RELL1: variants seen among roughly 807,000 people sequenced by gnomAD.
The protein encoded by RELL1 is RELT-like protein 1.
Under a neutral mutation model 23.0 loss-of-function variants are expected in RELL1, and 10 were observed. The ratio of observed to expected loss-of-function variants is 0.43; its 90% CI spans 0.27 to 0.74. The LOEUF (loss-of-function observed/expected upper bound fraction) is 0.74, where lower values mean the gene tolerates loss of function less well. Ranked by LOEUF, RELL1 falls within the 30% of genes least tolerant of loss-of-function variation. The pLI is 0.19. For missense variants in RELL1, 315 were observed against 364.4 expected (o/e 0.86, Z 1.10); for synonymous variants, 146 against 146.8 (o/e 0.99, Z 0.04).
chr4:37,678,867 G>T (rs1722110387), intron 1 of RELL1, among the ~76,000 whole-genome samples: 3 of 152,116 alleles, frequency 2.0e-5, no homozygotes, highest in Admixed American at 2.0e-4. Context: ...TTTATTAGTG[G>T]CTGGAATGCA....
chr4:37,630,356 GTTTTTTTTTT>G (rs59763359), intron 6 of RELL1, among the ~76,000 whole-genome samples: 6 of 86,744 alleles, frequency 6.9e-5, no homozygotes, highest in African/African-American at 2.4e-4. Flanking sequence ...TGTGTGTGTG[GTTTTTTTTTT>G]TTTTTTTTTT....
At chr4:37,595,935 G>A (rs1466364904) in intron 6 of RELL1, among the ~76,000 whole-genome samples, 1 of 152,114 alleles carries the variant, frequency 6.6e-6, no homozygotes, top group Non-Finnish European at 1.5e-5. Flanking sequence ...GGAAAAAAAG[G>A]GTGTATATTC....
chr4:37,633,791 G>A (rs575186821), intron 5 of RELL1, among the ~76,000 whole-genome samples: 1 of 152,350 alleles, frequency 6.6e-6, no homozygotes, highest in Non-Finnish European at 1.5e-5. Context: ...ACTCTATGAG[G>A]TGAGTGTGAC....
intron 1 of RELL1, among the ~76,000 whole-genome samples, chr4:37,683,909 G>A (rs1470100658): frequency 1.3e-5 from 2 of 151,184 alleles, no homozygotes; most frequent in African/African-American, 2.4e-5. Context: ...GTGAAACCCC[G>A]TCTCTACTAA....
At chr4:37,594,663 C>CA (rs1718766868) in intron 6 of RELL1, among the ~76,000 whole-genome samples, 2 of 152,178 alleles carry the variant, frequency 1.3e-5, no homozygotes, top group East Asian at 3.9e-4. Flanking sequence ...ACCAGATACC[C>CA]AAAAAAACGA....
intron 1 of RELL1, among the ~76,000 whole-genome samples, chr4:37,668,268 C>G (rs191195659): frequency 0.018 from 2,740 of 150,720 alleles, 45 homozygotes; most frequent in Middle Eastern, 0.055. Context: ...GATACCGAGC[C>G]GAAGCTGGAC....
intron 6 of RELL1, among the ~76,000 whole-genome samples, chr4:37,621,353 G>A (rs914750528): frequency 4.6e-5 from 7 of 152,074 alleles, no homozygotes; most frequent in Admixed American, 2.0e-4. Flanking sequence ...CTACTCGGGA[G>A]GCTGAGACAG....
intron 6 of RELL1, among the ~76,000 whole-genome samples, chr4:37,619,748 A>G (rs1719706977): frequency 6.6e-6 from 1 of 151,582 alleles, no homozygotes; most frequent in Non-Finnish European, 1.5e-5. Flanking sequence ...TTAATTTTTA[A>G]TTTGCAGAGA....
chr4:37,615,023 C>T (rs1719530487), intron 6 of RELL1, among the ~76,000 whole-genome samples: 1 of 152,106 alleles, frequency 6.6e-6, no homozygotes, highest in African/African-American at 2.4e-5. Flanking sequence ...TACTCCCAGC[C>T]GTGGAACCGT....
At chr4:37,602,964 CAAT>C (rs1187320487) in intron 6 of RELL1, among the ~76,000 whole-genome samples, 2 of 152,182 alleles carry the variant, frequency 1.3e-5, no homozygotes, top group Non-Finnish European at 2.9e-5. Flanking sequence ...ATGAGAAAAA[CAAT>C]AAAGACAAAC....
intron 1 of RELL1, among the ~76,000 whole-genome samples, chr4:37,665,834 TGGGC>T (rs1386179598): frequency 4.6e-5 from 7 of 152,192 alleles, no homozygotes; most frequent in African/African-American, 1.7e-4. Flanking sequence ...CCCTGGTTTC[TGGGC>T]ACAACTGGCA....
At chr4:37,588,406 G>C (rs1029575192), downstream of RELL1, 1 of 159,022 alleles carries the variant, frequency 6.3e-6, no homozygotes, top group African/African-American at 2.4e-5. Flanking sequence ...CTCTTGAGGA[G>C]CAAATGCCCT....
intron 1 of RELL1, among the ~76,000 whole-genome samples, chr4:37,679,484 G>C (rs189352958): frequency 6.6e-6 from 1 of 152,160 alleles, no homozygotes; most frequent in Non-Finnish European, 1.5e-5. Context: ...GAAAATGCAG[G>C]ACCATAATCC....
intron 3 of RELL1, among the ~76,000 whole-genome samples, chr4:37,646,235 C>A (rs1720707136): frequency 1.3e-5 from 2 of 152,172 alleles, no homozygotes; most frequent in Admixed American, 1.3e-4. Context: ...AGGGAATAAC[C>A]AGTGCTCAGA....
Position 37,638,494 on chromosome 4 carries a change from A to G in RELL1, c.396T>C (p.Asp132=), listed in dbSNP as rs947851550. The change falls in exon 4 of 7, where the codon GAT becomes GAC. Residue 132 remains aspartate, a synonymous_variant. Coordinates refer to ENST00000454158, the MANE Select transcript of RELL1 (RefSeq NM_001085400.2). ...HYIMKNEANA[D]VLKAMVADNS... ...TATCTGCTACCATCGCCTTTAAGACATCAGCATTCGCTAAGGAATAAAAAT... is the reference window on the plus strand; with the variant it reads ...TATCTGCTACCATCGCCTTTAAGACGTCAGCATTCGCTAAGGAATAAAAAT... The G allele has an allele frequency of 3.1e-6, 5 of 1,611,490 alleles. No individual in the cohort carries two copies. Among genetic ancestry groups the G allele is most frequent in the Non-Finnish European group, 4.2e-6 (5 of 1,178,120 alleles).
At chr4:37,595,573 A>C (rs1718808349) in intron 6 of RELL1, among the ~76,000 whole-genome samples, 1 of 45,384 alleles carries the variant, frequency 2.2e-5, no homozygotes, top group African/African-American at 4.2e-5. Flanking sequence ...CTGGATTGTG[A>C]CATGGTGTAA....
chr4:37,621,902 CT>C (rs1203880847), intron 6 of RELL1, among the ~76,000 whole-genome samples: 3 of 152,222 alleles, frequency 2.0e-5, no homozygotes, highest in African/African-American at 7.2e-5. Context: ...TTAGTATCTC[CT>C]GTGCACAGAA....
intron 3 of RELL1, among the ~76,000 whole-genome samples, chr4:37,644,500 C>T (rs568391170): frequency 6.7e-6 from 1 of 148,954 alleles, no homozygotes; most frequent in Non-Finnish European, 1.5e-5. Context: ...CTCACTCTGT[C>T]GCCCAGGCTG....
intron 1 of RELL1, among the ~76,000 whole-genome samples, chr4:37,655,654 C>T (rs189608797): frequency 6.6e-6 from 1 of 152,338 alleles, no homozygotes; most frequent in East Asian, 1.9e-4. Context: ...CTTTGTGAGG[C>T]AGCTCTAGCA....
Sources: allele counts gnomAD v4.1 joint callset (sites outside exome capture counted in the v4.1 genomes callset), GRCh38; gene constraint gnomAD v4.1.1; transcripts MANE v1.5; gene names NCBI Gene and HGNC (gene_info 2026-07-23, HGNC 2026-07-21).